DLGAP4: variants seen among roughly 807,000 people sequenced by gnomAD.
DLGAP4 encodes the protein DLG associated protein 4.
Under a neutral mutation model 86.9 loss-of-function variants are expected in DLGAP4, and 18 were observed. The observed-to-expected ratio is 0.21, with a 90% CI of 0.14 to 0.31. The LOEUF (loss-of-function observed/expected upper bound fraction) is 0.31. Ranked by LOEUF, DLGAP4 falls within the 10% of genes least tolerant of loss-of-function variation. The pLI, the probability that DLGAP4 is intolerant of heterozygous loss-of-function variation, is 1.00. For missense variants in DLGAP4, 1,085 were observed against 1,362.6 expected (o/e 0.80, Z 3.21); for synonymous variants, 548 against 574.3 (o/e 0.95, Z 0.65).
intron 1 of DLGAP4, among the ~76,000 whole-genome samples, chr20:36,348,467 G>A (rs574332032): frequency 4.0e-5 from 6 of 151,496 alleles, no homozygotes; most frequent in Non-Finnish European, 7.4e-5. Context: ...CGCCCATCTC[G>A]TTCTAAAGTG....
At chr20:36,394,548 G>C (rs1458627462) in intron 2 of DLGAP4, among the ~76,000 whole-genome samples, 1 of 152,174 alleles carries the variant, frequency 6.6e-6, no homozygotes, top group Admixed American at 6.5e-5. Flanking sequence ...GCTGTGGTGC[G>C]TGTGTGTGCA....
intron 1 of DLGAP4, among the ~76,000 whole-genome samples, chr20:36,362,223 G>A (rs1485403311): frequency 6.6e-6 from 1 of 152,062 alleles, no homozygotes; most frequent in Non-Finnish European, 1.5e-5. Context: ...TCACACCACT[G>A]CACTCCAGCC....
chr20:36,400,489 GTT>G, intron 2 of DLGAP4, among the ~76,000 whole-genome samples: 1 of 152,214 alleles, frequency 6.6e-6, no homozygotes, highest in South Asian at 2.1e-4. Flanking sequence ...GGCATTGTAT[GTT>G]TTTAAATTAC....
intron 2 of DLGAP4, among the ~76,000 whole-genome samples, chr20:36,368,364 G>C (rs1230960659): frequency 1.3e-5 from 2 of 152,250 alleles, no homozygotes; most frequent in Non-Finnish European, 2.9e-5. Context: ...TATGAGAAGG[G>C]AAAAGATTCG....
intron 7 of DLGAP4, among the ~76,000 whole-genome samples, chr20:36,475,964 A>G (rs374126067): frequency 1.3e-5 from 2 of 151,904 alleles, no homozygotes; most frequent in South Asian, 2.1e-4. Context: ...GGTTCAAGCA[A>G]TTCTCGTGCC....
chr20:36,422,118 C>G (rs1204636038), intron 2 of DLGAP4, among the ~76,000 whole-genome samples: 1 of 152,148 alleles, frequency 6.6e-6, no homozygotes, highest in Admixed American at 6.5e-5. Flanking sequence ...ACCTTCACCC[C>G]ACCCCAGGCA....
chr20:36,436,027 G>A, intron 3 of DLGAP4, 82 bp from the exon 4 acceptor site: 1 of 1,450,398 alleles, frequency 6.9e-7, no homozygotes. Flanking sequence ...GAACGAGGGA[G>A]CTTCAGGTCC....
chr20:36,326,999 T>C (rs1290743491), intron 1 of DLGAP4, among the ~76,000 whole-genome samples: 2 of 140,594 alleles, frequency 1.4e-5, no homozygotes, highest in South Asian at 2.3e-4. Context: ...ATTTTCTCTT[T>C]TTTTTTTTTT....
intron 1 of DLGAP4, among the ~76,000 whole-genome samples, chr20:36,334,389 A>G (rs1555891888): frequency 6.6e-6 from 1 of 152,140 alleles, no homozygotes; most frequent in African/African-American, 2.4e-5. Flanking sequence ...CACTCAGGGA[A>G]CAGATGAGAA....
At chr20:36,472,035 A>G (rs1569511465) in intron 7 of DLGAP4, among the ~76,000 whole-genome samples, 2 of 152,256 alleles carry the variant, frequency 1.3e-5, no homozygotes, top group East Asian at 3.9e-4. Flanking sequence ...GACCAGGAGC[A>G]TGTCTACACT....
chr20:36,364,851 T>C (rs2030629574), intron 1 of DLGAP4, among the ~76,000 whole-genome samples: 1 of 152,102 alleles, frequency 6.6e-6, no homozygotes, highest in Non-Finnish European at 1.5e-5. Flanking sequence ...TCCCAGAACT[T>C]TGAGAGGCTG....
At chr20:36,332,206 A>C (rs1449524177) in intron 1 of DLGAP4, among the ~76,000 whole-genome samples, 40 of 152,020 alleles carry the variant, frequency 2.6e-4, no homozygotes, top group Admixed American at 2.6e-3. Flanking sequence ...GGGTAGGGGC[A>C]GGAGGCTGGG....
chr20:36,342,414 A>T lies in DLGAP4; in HGVS notation c.-303-24631A>T, dbSNP rs1600415226. Among the ~76,000 whole-genome samples the T allele has an allele frequency of 2.6e-5, 4 of 151,908 alleles. 1 individual carries two copies. In the South Asian group the frequency reaches 8.3e-4, roughly 32 times the overall value. On this transcript the variant is annotated intron_variant, in intron 1 of 12. Coordinates refer to ENST00000339266, the MANE Select transcript of DLGAP4 (RefSeq NM_001365621.2). ...GGTAAGGGCCTATCAGGGAAAGGGG[A>T]GTCTGTTTGGGGCTGGAGGCCTCAG...
At chr20:36,370,999 A>G (rs1281333131) in intron 2 of DLGAP4, among the ~76,000 whole-genome samples, 1 of 152,248 alleles carries the variant, frequency 6.6e-6, no homozygotes, top group South Asian at 2.1e-4. Flanking sequence ...TTGTGGGATT[A>G]GCAGTATTGG....
intron 2 of DLGAP4, among the ~76,000 whole-genome samples, chr20:36,414,760 A>T (rs1304756009): frequency 5.9e-5 from 9 of 152,234 alleles, no homozygotes; most frequent in Non-Finnish European, 8.8e-5. Context: ...AGTTCCATGT[A>T]AGCCTCATGG....
chr20:36,325,761 G>A (rs1470300188), intron 1 of DLGAP4, among the ~76,000 whole-genome samples: 2 of 150,870 alleles, frequency 1.3e-5, no homozygotes, highest in African/African-American at 4.9e-5. Context: ...CTGTTGCCTG[G>A]GCTGGAGTAC....
intron 7 of DLGAP4, among the ~76,000 whole-genome samples, chr20:36,455,933 C>T (rs1239913486): frequency 6.6e-6 from 1 of 152,144 alleles, no homozygotes; most frequent in Non-Finnish European, 1.5e-5. Context: ...CCTCTAGTCT[C>T]CACAGTGTCA....
intron 1 of DLGAP4, among the ~76,000 whole-genome samples, chr20:36,331,488 C>A (rs904492722): frequency 6.6e-6 from 1 of 152,222 alleles, no homozygotes; most frequent in Non-Finnish European, 1.5e-5. Context: ...AGGAGCCAGG[C>A]AGGGGTCACC....
At chr20:36,330,843 G>C (rs1801593814) in intron 1 of DLGAP4, among the ~76,000 whole-genome samples, 1 of 152,170 alleles carries the variant, frequency 6.6e-6, no homozygotes, top group Admixed American at 6.5e-5. Flanking sequence ...AAAGTGCTGG[G>C]ATTACAGGCG....
Sources: gnomAD v4.1 joint callset for allele counts (sites outside exome capture counted in the v4.1 genomes callset) on GRCh38, gnomAD v4.1.1 for gene constraint, MANE v1.5 for transcripts, NCBI Gene and HGNC (gene_info 2026-07-23, HGNC 2026-07-21) for gene names.